The following SPINK5 variants were observed in gnomAD, a reference collection of about 807,000 sequenced individuals.
SPINK5 encodes the protein serine protease inhibitor Kazal-type 5.
SPINK5 carries 125 observed loss-of-function variants against 151.8 expected under a neutral mutation model. That is an observed-to-expected ratio of 0.82 (90% CI 0.71 to 0.96). SPINK5 has a LOEUF of 0.96. Ranked by LOEUF, SPINK5 falls within the 40% of genes least tolerant of loss-of-function variation. SPINK5 has a pLI of 0.00. For missense variants in SPINK5, 1,194 were observed against 1,291.9 expected (o/e 0.92, Z 1.16); for synonymous variants, 374 against 395.3 (o/e 0.95, Z 0.64).
chr5:148,123,946 G>C lies in SPINK5; in HGVS notation c.2652G>C (p.Met884Ile), dbSNP rs1431258015. 1 of 1,613,864 alleles carries C rather than the reference G, an allele frequency of 6.2e-7. No individual in the cohort carries two copies. Among genetic ancestry groups the C allele is most frequent in the African/African-American group, 1.3e-5 (1 of 74,910 alleles). ...AGATGCACATCAATAAATGTGCTAT[G>C]TGTCAGAGCATCTTGTACGTAAAAA... ...YGKMHINKCAMCQSIFDREAN... is the reference protein window; with the variant it reads ...YGKMHINKCAICQSIFDREAN... The change falls in exon 27 of 33, where the codon ATG becomes ATC. Residue 884 changes from methionine (M) to isoleucine (I), a missense_variant. By Grantham distance (10) the Met-to-Ile change is conservative. Coordinates refer to ENST00000256084, the MANE Select transcript of SPINK5 (RefSeq NM_006846.4).
At chr5:148,091,851 A>G (rs924612759) in intron 8 of SPINK5, among the ~76,000 whole-genome samples, 1 of 151,790 alleles carries the variant, frequency 6.6e-6, no homozygotes, top group African/African-American at 2.4e-5. Flanking sequence ...TGATAATTTA[A>G]TTATTCAATC....
In SPINK5 at chr5:148,094,364, A is replaced by G. The variant is rs370010334; in HGVS notation, c.677A>G (p.Lys226Arg). The G allele has an allele frequency of 6.4e-5, 103 of 1,612,324 alleles. No individual in the cohort carries two copies. The highest frequency in any genetic ancestry group is 8.7e-5 in the Non-Finnish European group (102 of 1,178,884). The change falls in exon 9 of 33, where the codon AAG becomes AGG. Residue 226 changes from lysine to arginine, a missense_variant. Transcript: ENST00000256084. ...ATTGTCTTTTCAAAGGATTTTTGCA[A>G]GGAATATGAAAAACAAGTGAGAAAT... ...IRRNAEKDFC[K>R]EYEKQVRNGR... is the part of the protein sequence containing the mutation.
In SPINK5 at chr5:148,125,721, A is replaced by T; in HGVS notation, c.2740-2A>T. 1 of 1,614,210 alleles carries T rather than the reference A, an allele frequency of 6.2e-7. No homozygotes were observed. The highest frequency in any genetic ancestry group is 8.5e-7 in the Non-Finnish European group (1 of 1,180,024). ...GTTCACTTTCCCTTTCTCATTTTCT[A>T]GGATGAGTGCAGTGAATTTCGAAAC... On this transcript the variant is annotated splice_acceptor_variant, in intron 28 of 32. Coordinates refer to ENST00000256084, the MANE Select transcript of SPINK5 (RefSeq NM_006846.4). LOFTEE classifies it high-confidence loss of function.
intron 26 of SPINK5, among the ~76,000 whole-genome samples, chr5:148,122,874 T>C (rs1476590166): frequency 8.4e-6 from 1 of 118,454 alleles, no homozygotes; most frequent in African/African-American, 2.9e-5. Flanking sequence ...TAATTTTTTT[T>C]TTTTTTTTTT....
rs1609851 is a variant in SPINK5, at chr5:148,065,460, C to G, written c.81+88C>G. ...GGCCAACACCTTCATGTTAATAATA[C>G]AAACATATTATACTGGTAGGTACTA... On this transcript the variant is annotated intron_variant, in intron 2 of 32. Transcript: ENST00000256084. 0.67 allele frequency: 946,067 copies of G among 1,416,468 alleles called. 320,990 individuals carry two copies. The highest frequency in any genetic ancestry group is 0.91 in the East Asian group (39,496 of 43,408). 87.7% of individuals were successfully genotyped at this position (1,416,468 alleles called of 1,614,324 possible).
In SPINK5 at chr5:148,069,493, GA is replaced by G. The variant is rs1468680942; in HGVS notation, c.82-829del. On this transcript the variant is annotated intron_variant, in intron 2 of 32. Transcript: ENST00000256084. The stretch of plus-strand genomic sequence containing the variant: ...AGAGAGAGAGAGAAAGAGAGAGAAA[GA>G]GAGAGAAAGCCTTATGCAATTATTG... 6.7e-3 allele frequency among the ~76,000 whole-genome samples: 1,020 copies of G among 152,008 alleles called. 18 individuals carry two copies. Among genetic ancestry groups the G allele is most frequent in the African/African-American group, 0.024 (978 of 41,498 alleles).
At chr5:148,120,265 G>C (rs1479485417) in intron 25 of SPINK5, 30 bp from the exon 26 acceptor site, 1 of 1,604,832 alleles carries the variant, frequency 6.2e-7, no homozygotes, top group East Asian at 2.2e-5. Flanking sequence ...TGTTCACTTT[G>C]ATTGAAATGT....
At chr5:148,070,252 C>CAT (rs1370958390) in intron 2 of SPINK5, 71 bp from the exon 3 acceptor site, 62 of 1,519,070 alleles carry the variant, frequency 4.1e-5, no homozygotes, top group Admixed American at 3.8e-4. Context: ...CATATATCTA[C>CAT]ATATATATAT....
At chr5:148,107,481 C>G (rs1337474244) in intron 17 of SPINK5, among the ~76,000 whole-genome samples, 2 of 151,962 alleles carry the variant, frequency 1.3e-5, no homozygotes, top group African/African-American at 4.8e-5. Flanking sequence ...TTTTTGATGT[C>G]TTTCCCACTC....
chr5:148,099,481 C>T (rs1304158912), intron 12 of SPINK5, among the ~76,000 whole-genome samples, 166 bp downstream of exon 12: 2 of 136,480 alleles, frequency 1.5e-5, no homozygotes, highest in Non-Finnish European at 3.1e-5. Flanking sequence ...TCCATTCTTG[C>T]TGATTAAAAA....
chr5:148,123,763 G>A (rs574239519), intron 26 of SPINK5, 70 bp from the exon 27 acceptor site: 128 of 1,599,396 alleles, frequency 8.0e-5, no homozygotes, highest in Middle Eastern at 3.3e-4. Context: ...ATATCTAATC[G>A]GTCAATCATG....
chr5:148,096,718 C>CTTTTTTTT (rs869206113), intron 10 of SPINK5, among the ~76,000 whole-genome samples: 1 of 146,248 alleles, frequency 6.8e-6, no homozygotes, highest in Non-Finnish European at 1.5e-5. Flanking sequence ...TTCTTTCTTT[C>CTTTTTTTT]TTTCTTTTTT....
At chr5:148,116,155 G>A (rs1308656695) in intron 21 of SPINK5, among the ~76,000 whole-genome samples, 3 of 152,096 alleles carry the variant, frequency 2.0e-5, no homozygotes, top group Non-Finnish European at 4.4e-5. Flanking sequence ...TGATATATAT[G>A]TGGTGTTCTT....
Position 148,072,754 on chromosome 5 carries a change from A to T in SPINK5, c.282+534A>T, listed in dbSNP as rs558783780. Among the ~76,000 whole-genome samples the T allele has an allele frequency of 7.9e-5, 12 of 151,470 alleles. No homozygotes were observed. The East Asian group carries it at 2.2e-3, about 27-fold the overall frequency. On this transcript the variant is annotated intron_variant, in intron 4 of 32. Transcript: ENST00000256084. ...CTTTTACTCTTTTGCTTTTTACTGT[A>T]TATGTTCCAGTACCTGGAGGGTCCT...
intron 4 of SPINK5, among the ~76,000 whole-genome samples, chr5:148,074,023 C>A (rs1286767960): frequency 6.6e-6 from 1 of 151,754 alleles, no homozygotes; most frequent in Non-Finnish European, 1.5e-5. Context: ...TAAATTTTTC[C>A]TTGTCTCTGT....
Position 148,133,859 on chromosome 5 carries a change from G to A in SPINK5, c.3158G>A (p.Gly1053Glu), listed in dbSNP as rs1192574452. 2 of 1,613,916 alleles carry A rather than the reference G, an allele frequency of 1.2e-6. No individual in the cohort carries two copies. Among genetic ancestry groups the A allele is most frequent in the Non-Finnish European group, 1.7e-6 (2 of 1,179,918 alleles). ...TGKCEESSTPGTTAASMPPSD... is the reference protein window; with the variant it reads ...TGKCEESSTPETTAASMPPSD... ...AAGTGTGAGGAGAGCAGCACCCCAGGAACCACCGCAGCCAGCATGCCCCCG... is the reference window on the plus strand; with the variant it reads ...AAGTGTGAGGAGAGCAGCACCCCAGAAACCACCGCAGCCAGCATGCCCCCG... Residue 1053 changes from glycine (G) to glutamate (E), a missense_variant, in exon 32 of 33, where the codon GGA becomes GAA. Transcript: ENST00000256084.
chr5:148,064,033 A>G lies in SPINK5; in HGVS notation c.-12A>G. On this transcript the variant is annotated 5_prime_UTR_variant, in exon 1 of 33. Transcript: ENST00000256084. ...TGGAGTGGACCTGTAGGCGACTTGC[A>G]TCGTCTTCAACATGAAGATAGCCAC... The G allele has an allele frequency of 4.3e-6, 7 of 1,614,160 alleles. No individual in the cohort carries two copies. Among genetic ancestry groups the G allele is most frequent in the South Asian group, 3.3e-5 (3 of 91,086 alleles).
At chr5:148,095,958 G>A (rs1753447359) in intron 10 of SPINK5, 53 bp downstream of exon 10, 4 of 1,382,334 alleles carry the variant, frequency 2.9e-6, no homozygotes, top group Non-Finnish European at 4.1e-6. Flanking sequence ...GTGGGGGGGT[G>A]CGTGTGTGAG....
chr5:148,070,694 C>A lies in SPINK5; in HGVS notation c.209+244C>A, dbSNP rs558548878. ...CATTCCAGAGGGCCCAGTGTCAATA[C>A]CTTCTGTAGCACTCTATAGTCTTTT... On this transcript the variant is annotated intron_variant, in intron 3 of 32. Coordinates refer to ENST00000256084, the MANE Select transcript of SPINK5 (RefSeq NM_006846.4). Among the ~76,000 whole-genome samples, 73 of 152,188 alleles carry A rather than the reference C, an allele frequency of 4.8e-4. 2 individuals are homozygous for A. The Middle Eastern group carries it at 0.024, about 50-fold the overall frequency.
Sources: allele counts gnomAD v4.1 joint callset (sites outside exome capture counted in the v4.1 genomes callset), GRCh38; gene constraint gnomAD v4.1.1; transcripts MANE v1.5; gene names NCBI Gene and HGNC (gene_info 2026-07-23, HGNC 2026-07-21).